The following LSAMP variants were observed in gnomAD, a reference collection of about 807,000 sequenced individuals.
The protein encoded by LSAMP is limbic system associated membrane protein.
Under a neutral mutation model 38.6 loss-of-function variants are expected in LSAMP, and 7 were observed. That is an observed-to-expected ratio of 0.18 (90% CI 0.10 to 0.34). The LOEUF (loss-of-function observed/expected upper bound fraction) is 0.34. Among genes scored for constraint, LSAMP ranks in the 10% least tolerant of loss-of-function variants. LSAMP has a pLI of 1.00. For missense variants in LSAMP, 313 were observed against 420.0 expected, an observed-to-expected ratio of 0.75 and a Z score of 2.23; for synonymous variants, 154 against 166.8, an observed-to-expected ratio of 0.92 and a Z score of 0.59.
chr3:116,052,663 T>C (rs982632789), intron 2 of LSAMP, among the ~76,000 whole-genome samples: 1 of 152,154 alleles, frequency 6.6e-6, no homozygotes, highest in African/African-American at 2.4e-5. Flanking sequence ...AGAAATTATT[T>C]ACCTGCTAGC....
chr3:116,194,434 G>A (rs1049858138), intron 1 of LSAMP, among the ~76,000 whole-genome samples: 4 of 152,072 alleles, frequency 2.6e-5, no homozygotes, highest in African/African-American at 7.2e-5. Flanking sequence ...TCGCTCTGTC[G>A]CCCAGGCTGG....
chr3:115,948,000 C>T (rs57682854), intron 3 of LSAMP, among the ~76,000 whole-genome samples: 2,953 of 152,238 alleles, frequency 0.019, 94 homozygotes, highest in African/African-American at 0.067. Flanking sequence ...ATAGGTGAAA[C>T]CTTTGATTGA....
At chr3:116,123,345 TAC>T (rs1219790867) in intron 1 of LSAMP, among the ~76,000 whole-genome samples, 2 of 152,220 alleles carry the variant, frequency 1.3e-5, no homozygotes, top group African/African-American at 4.8e-5. Flanking sequence ...TGTTTAGAGA[TAC>T]AGTTTATCCT....
intron 6 of LSAMP, among the ~76,000 whole-genome samples, chr3:115,828,832 T>C (rs889480191): frequency 3.3e-5 from 5 of 152,140 alleles, no homozygotes; most frequent in Non-Finnish European, 7.4e-5. Context: ...TTAAAAAAAA[T>C]ATTCATTTTC....
chr3:116,327,607 A>G (rs2047791289), intron 1 of LSAMP, among the ~76,000 whole-genome samples: 1 of 152,110 alleles, frequency 6.6e-6, no homozygotes. Context: ...GGGATATGCT[A>G]AAGTATTTTG....
At chr3:116,111,014 G>A (rs916861757) in intron 1 of LSAMP, among the ~76,000 whole-genome samples, 3 of 152,132 alleles carry the variant, frequency 2.0e-5, no homozygotes, top group Admixed American at 6.5e-5. Flanking sequence ...GGTGCTCAGT[G>A]GGGGAGCTTC....
chr3:116,442,793 C>T (rs908522022), intron 1 of LSAMP, among the ~76,000 whole-genome samples: 1 of 152,178 alleles, frequency 6.6e-6, no homozygotes, highest in Non-Finnish European at 1.5e-5. Context: ...CTCTCAGAGT[C>T]CCTATTTCCA....
chr3:115,831,421 T>A (rs1191318424), intron 6 of LSAMP, among the ~76,000 whole-genome samples: 1 of 152,202 alleles, frequency 6.6e-6, no homozygotes, highest in African/African-American at 2.4e-5. Context: ...TTTGCCCTTG[T>A]CTTTGCCCCT....
rs1388535022 is a variant in LSAMP at position 115,808,389 on chromosome 3, C to T, written c.*1928G>A. The T allele has an allele frequency of 2.0e-5, 3 of 151,898 alleles. No individual in the cohort carries two copies. Among genetic ancestry groups the T allele is most frequent in the African/African-American group, 7.3e-5 (3 of 41,300 alleles). 9.4% of individuals were successfully genotyped at this position (151,898 alleles called of 1,614,324 possible). A position where few individuals can be genotyped will look rare whatever the true frequency, so the allele number is the denominator to read the frequency against. Reference sequence around the variant, plus strand: ...GTGCTTACTACTGTGTAAGTGAGAGCAAGGGTTGGTTTTCTGACAAAGACA... The same window carrying T: ...GTGCTTACTACTGTGTAAGTGAGAGTAAGGGTTGGTTTTCTGACAAAGACA... On this transcript the variant is annotated 3_prime_UTR_variant, in exon 7 of 7. Coordinates refer to ENST00000490035, the MANE Select transcript of LSAMP (RefSeq NM_002338.5).
intron 3 of LSAMP, among the ~76,000 whole-genome samples, chr3:115,866,970 C>T (rs559413138): frequency 1.3e-5 from 2 of 152,076 alleles, no homozygotes; most frequent in Admixed American, 1.3e-4. Flanking sequence ...GGAATAGGTT[C>T]TGTGGAACTG....
chr3:116,341,967 A>C (rs2048001487), intron 1 of LSAMP, among the ~76,000 whole-genome samples: 1 of 152,038 alleles, frequency 6.6e-6, no homozygotes, highest in African/African-American at 2.4e-5. Flanking sequence ...CTAAGTCAAC[A>C]TTTGAAAGGT....
At chr3:116,027,401 T>C (rs778825679) in intron 2 of LSAMP, among the ~76,000 whole-genome samples, 5 of 152,218 alleles carry the variant, frequency 3.3e-5, no homozygotes, top group African/African-American at 7.2e-5. Context: ...GGGGCTTGTG[T>C]ACTTGCTGAA....
chr3:116,186,399 T>C (rs1710617771), intron 1 of LSAMP, among the ~76,000 whole-genome samples: 1 of 152,114 alleles, frequency 6.6e-6, no homozygotes, highest in Admixed American at 6.6e-5. Context: ...CTATCTTGAG[T>C]GATACAGGGT....
At chr3:115,984,177 G>A (rs1939444617) in intron 3 of LSAMP, among the ~76,000 whole-genome samples, 1 of 152,032 alleles carries the variant, frequency 6.6e-6, no homozygotes, top group African/African-American at 2.4e-5. Flanking sequence ...AGTCTGGGAT[G>A]ACACCCACAC....
At chr3:116,324,562 A>G (rs1487747691) in intron 1 of LSAMP, among the ~76,000 whole-genome samples, 1 of 152,102 alleles carries the variant, frequency 6.6e-6, no homozygotes, top group Non-Finnish European at 1.5e-5. Flanking sequence ...TAGAGTCATA[A>G]TCTATTCATT....
chr3:116,117,749 T>G (rs1359836074), intron 1 of LSAMP, among the ~76,000 whole-genome samples: 2 of 152,190 alleles, frequency 1.3e-5, no homozygotes, highest in Admixed American at 6.5e-5. Context: ...TAGGGCTATG[T>G]GTCTTTGGGA....
rs1933696023 is a variant in LSAMP at position 115,808,366 on chromosome 3, G to A, written c.*1951C>T. 6.6e-6 allele frequency: 1 copy of A among 151,936 alleles called. No individual in the cohort carries two copies. Among genetic ancestry groups the A allele is most frequent in the African/African-American group, 2.4e-5 (1 of 41,324 alleles). 9.4% of individuals were successfully genotyped at this position (151,936 alleles called of 1,614,324 possible). ...TCTCATGAACTGAACCACTTTCAGT[G>A]CTTACTACTGTGTAAGTGAGAGCAA... is the stretch of plus-strand genomic sequence containing the variant. On this transcript the variant is annotated 3_prime_UTR_variant, in exon 7 of 7. Transcript: ENST00000490035.
At chr3:115,956,879 A>T (rs1157903854) in intron 3 of LSAMP, among the ~76,000 whole-genome samples, 1 of 152,034 alleles carries the variant, frequency 6.6e-6, no homozygotes, top group Non-Finnish European at 1.5e-5. Flanking sequence ...TTCAGCCCTA[A>T]TCTCCCCTTA....
intron 1 of LSAMP, among the ~76,000 whole-genome samples, chr3:116,394,128 T>G (rs1192078924): frequency 6.6e-6 from 1 of 152,188 alleles, no homozygotes; most frequent in African/African-American, 2.4e-5. Flanking sequence ...TAACCCCACA[T>G]GTATCGGGTT....
Sources: gnomAD v4.1 joint callset for allele counts (sites outside exome capture counted in the v4.1 genomes callset) on GRCh38, gnomAD v4.1.1 for gene constraint, MANE v1.5 for transcripts, NCBI Gene and HGNC (gene_info 2026-07-23, HGNC 2026-07-21) for gene names.